SAMD12: variants seen among roughly 807,000 people sequenced by gnomAD.
SAMD12 encodes the protein sterile alpha motif domain-containing protein 12.
A neutral mutation model predicts 15.0 loss-of-function variants in SAMD12; 9 were observed. The ratio of observed to expected loss-of-function variants is 0.60; its 90% CI spans 0.36 to 1.05. The LOEUF is 1.05. Ranked by LOEUF, SAMD12 falls within the 50% of genes least tolerant of loss-of-function variation. The pLI is 0.01. For missense variants in SAMD12, 230 were observed against 234.2 expected (o/e 0.98, Z 0.12); for synonymous variants, 86 against 90.1 (o/e 0.96, Z 0.25).
At chr8:118,605,857 T>G in intron 1 of SAMD12, among the ~76,000 whole-genome samples, 1 of 147,094 alleles carries the variant, frequency 6.8e-6, no homozygotes, top group Non-Finnish European at 1.5e-5. Flanking sequence ...CCAGTATAGC[T>G]GTATGTACAA....
downstream of SAMD12, among the ~76,000 whole-genome samples, chr8:118,376,379 C>T (rs1169227681): frequency 6.6e-6 from 1 of 152,020 alleles, no homozygotes; most frequent in Non-Finnish European, 1.5e-5. Context: ...GGGGTGCAGC[C>T]CTCATGTATG....
At chr8:118,203,805 C>T (rs935463679) in intron 4 of SAMD12, among the ~76,000 whole-genome samples, 4 of 148,548 alleles carry the variant, frequency 2.7e-5, no homozygotes, top group African/African-American at 5.0e-5. Flanking sequence ...TTGTTCAATT[C>T]CCACCTATGA....
chr8:118,347,046 A>G (rs1389844567), intron 4 of SAMD12, among the ~76,000 whole-genome samples: 1 of 152,092 alleles, frequency 6.6e-6, no homozygotes, highest in African/African-American at 2.4e-5. Flanking sequence ...CCCATGGCCC[A>G]CCTTGAATAG....
rs997565677 is a variant in SAMD12, at chr8:118,546,738, C to G, written c.192+33977G>C. Among the ~76,000 whole-genome samples, 8 of 152,124 alleles carry G rather than the reference C, an allele frequency of 5.3e-5. No individual in the cohort carries two copies. The South Asian group carries it at 1.7e-3, about 32-fold the overall frequency. ...TACATTTGGGAATAGCTTTATTATT[C>G]AAGGTGATGATGTCAGCCTCCACAG... On this transcript the variant is annotated intron_variant, in intron 2 of 3. Coordinates refer to ENST00000314727, the MANE Select transcript of SAMD12 (RefSeq NM_207506.3).
intron 2 of SAMD12, among the ~76,000 whole-genome samples, chr8:118,479,261 C>T (rs1483752108): frequency 6.6e-6 from 1 of 152,074 alleles, no homozygotes; most frequent in Non-Finnish European, 1.5e-5. Flanking sequence ...CTGGCTGTTC[C>T]CCCCACACCT....
chr8:118,315,082 G>A (rs1815825197), intron 4 of SAMD12, among the ~76,000 whole-genome samples: 1 of 152,072 alleles, frequency 6.6e-6, no homozygotes, highest in Non-Finnish European at 1.5e-5. Context: ...CTCGCCTCTT[G>A]GAAAGATTCT....
chr8:118,501,925 G>C (rs1385266898), intron 2 of SAMD12, among the ~76,000 whole-genome samples: 3 of 151,880 alleles, frequency 2.0e-5, no homozygotes, highest in Non-Finnish European at 4.4e-5. Flanking sequence ...GCTGAGGCAG[G>C]AGAATGGCAC....
chr8:118,543,978 C>A (rs1011555078), intron 2 of SAMD12, among the ~76,000 whole-genome samples: 3 of 152,210 alleles, frequency 2.0e-5, no homozygotes, highest in Non-Finnish European at 4.4e-5. Context: ...CTAAAAAAAT[C>A]TTTTGGCTCT....
At chr8:118,381,679 C>CAAGGAAATGAATT in intron 3 of SAMD12, among the ~76,000 whole-genome samples, 1 of 152,260 alleles carries the variant, frequency 6.6e-6, no homozygotes, top group East Asian at 1.9e-4. Flanking sequence ...CTGGAAAAGG[C>CAAGGAAATGAATT]AAGGAAATGA....
intron 4 of SAMD12, among the ~76,000 whole-genome samples, chr8:118,275,488 T>C (rs1022548234): frequency 6.6e-6 from 1 of 152,224 alleles, no homozygotes; most frequent in Non-Finnish European, 1.5e-5. Flanking sequence ...TAAAATAATT[T>C]ACATGCTTTG....
chr8:118,181,247 C>A, the SAMD12 span, among the ~76,000 whole-genome samples: 1 of 152,168 alleles, frequency 6.6e-6, no homozygotes, highest in African/African-American at 2.4e-5. Flanking sequence ...CCTCTTATGA[C>A]TAATGTTGGA....
chr8:118,292,560 C>T (rs1185571418), intron 4 of SAMD12, among the ~76,000 whole-genome samples: 1 of 151,984 alleles, frequency 6.6e-6, no homozygotes, highest in African/African-American at 2.4e-5. Context: ...GGTATATACC[C>T]AAATGACTAT....
At chr8:118,165,912 T>C in the SAMD12 span, among the ~76,000 whole-genome samples, 4 of 152,092 alleles carry the variant, frequency 2.6e-5, no homozygotes, top group Non-Finnish European at 5.9e-5. Flanking sequence ...GGATTTGTCC[T>C]TGAAAAAGGT....
At chr8:118,617,014 C>A (rs1828255740) in intron 1 of SAMD12, among the ~76,000 whole-genome samples, 1 of 152,180 alleles carries the variant, frequency 6.6e-6, no homozygotes, top group Non-Finnish European at 1.5e-5. Context: ...AATCTGATCC[C>A]TGGTGCCAAA....
chr8:118,519,751 A>G (rs1325180331), intron 2 of SAMD12, among the ~76,000 whole-genome samples: 1 of 152,190 alleles, frequency 6.6e-6, no homozygotes, highest in Non-Finnish European at 1.5e-5. Flanking sequence ...GCCATTTTTT[A>G]AAAAGGAGAA....
chr8:118,332,279 C>T (rs1412317597), intron 4 of SAMD12, among the ~76,000 whole-genome samples: 1 of 152,112 alleles, frequency 6.6e-6, no homozygotes, highest in Non-Finnish European at 1.5e-5. Flanking sequence ...ATTTAATTCC[C>T]TGACAATGAT....
chr8:118,359,999 C>T lies in SAMD12; in HGVS notation c.433+19561G>A, dbSNP rs375409838. Among the ~76,000 whole-genome samples the T allele has an allele frequency of 7.9e-5, 12 of 152,228 alleles. No individual in the cohort carries two copies. In the South Asian group the frequency reaches 2.3e-3, roughly 29 times the overall value. On this transcript the variant is annotated intron_variant, in intron 4 of 4. Coordinates refer to the SAMD12 transcript ENST00000409003. ...AACATTTATTCAACTGAATACTCTA[C>T]GAGCTGACCTTACATGGTCTGAGGT...
the SAMD12 span, among the ~76,000 whole-genome samples, chr8:118,161,860 G>T: frequency 6.6e-6 from 1 of 151,600 alleles, no homozygotes; most frequent in Non-Finnish European, 1.5e-5. Context: ...TATGGTGATA[G>T]AAAAAAAGCA....
chr8:118,455,206 T>C (rs967494082), intron 2 of SAMD12, among the ~76,000 whole-genome samples: 3 of 151,840 alleles, frequency 2.0e-5, no homozygotes, highest in Admixed American at 6.6e-5. Context: ...GGCCTCCTGG[T>C]AGCCTCTGAC....
Sources: allele counts gnomAD v4.1 joint callset (sites outside exome capture counted in the v4.1 genomes callset), GRCh38; gene constraint gnomAD v4.1.1; transcripts MANE v1.5; gene names NCBI Gene and HGNC (gene_info 2026-07-23, HGNC 2026-07-21).